Variants in SORBS3 observed in about 807,000 individuals in gnomAD.
SORBS3 encodes vinexin.
Under a neutral mutation model 98.0 loss-of-function variants are expected in SORBS3, and 69 were observed. The ratio of observed to expected loss-of-function variants is 0.70; its 90% CI spans 0.58 to 0.86. The LOEUF (loss-of-function observed/expected upper bound fraction) is 0.86, where lower values mean the gene tolerates loss of function less well. SORBS3 is among the 40% of genes least tolerant of loss of function. The pLI, the probability that SORBS3 is intolerant of heterozygous loss-of-function variation, is 0.00. For synonymous variants in SORBS3, 394 were observed against 355.4 expected, an observed-to-expected ratio of 1.11 and a Z score of -1.22; for missense variants, 954 against 908.5, an observed-to-expected ratio of 1.05 and a Z score of -0.64.
chr8:22,557,573 A>G (rs1415977341), intron 4 of SORBS3, among the ~76,000 whole-genome samples: 1 of 152,188 alleles, frequency 6.6e-6, no homozygotes, highest in African/African-American at 2.4e-5. Context: ...TGGGAGGTCA[A>G]GGCGGGAGGA....
At chr8:22,565,966 G>A (rs1278349968) in intron 12 of SORBS3, 94 bp downstream of exon 12, 4 of 880,204 alleles carry the variant, frequency 4.5e-6, no homozygotes, top group South Asian at 5.4e-5. Flanking sequence ...GGGCGATCGC[G>A]GGGCCCAGCC....
At chr8:22,562,993 C>T (rs531344253) in intron 7 of SORBS3, among the ~76,000 whole-genome samples, 46 of 152,204 alleles carry the variant, frequency 3.0e-4, no homozygotes, top group Non-Finnish European at 5.6e-4. Flanking sequence ...GTGGCGGGTG[C>T]CTGTAGTCCC....
At chr8:22,563,587 T>C (rs1208705245) in intron 7 of SORBS3, among the ~76,000 whole-genome samples, 1 of 152,164 alleles carries the variant, frequency 6.6e-6, no homozygotes, top group Non-Finnish European at 1.5e-5. Flanking sequence ...GCCACAGTCA[T>C]GGGGCCAGAC....
chr8:22,554,479 C>G lies in SORBS3; in HGVS notation c.-28C>G. 6.2e-7 allele frequency: 1 copy of G among 1,601,960 alleles called. No individual in the cohort carries two copies. On this transcript the variant is annotated 5_prime_UTR_variant, in exon 2 of 21. Transcript: ENST00000240123. This position sits in a 1 kb window ranked among gnomAD's most constrained non-coding sequence, Gnocchi z 6.5. Reference sequence around the variant, plus strand: ...GACACGCAGAGGAGCAGCTGGCTTGCCCGGAGTCCTCCCACCTTGACCCAA... The same window carrying G: ...GACACGCAGAGGAGCAGCTGGCTTGGCCGGAGTCCTCCCACCTTGACCCAA...
At chr8:22,546,005 C>G (rs1840012187) in intron 1 of SORBS3, among the ~76,000 whole-genome samples, 1 of 152,122 alleles carries the variant, frequency 6.6e-6, no homozygotes, top group African/African-American at 2.4e-5. Context: ...GTGAGGTGGT[C>G]AAGACGTCAG....
At chr8:22,567,340 T>C (rs1049046666) in intron 16 of SORBS3, among the ~76,000 whole-genome samples, 165 bp downstream of exon 16, 1 of 152,206 alleles carries the variant, frequency 6.6e-6, no homozygotes, top group African/African-American at 2.4e-5. Context: ...ATGCTGTGCA[T>C]GACCCCAGGA....
chr8:22,569,158 C>A lies in SORBS3; in HGVS notation c.1316C>A (p.Ala439Glu). Residue 439 changes from alanine to glutamate, a missense_variant, in exon 17 of 21, where the codon GCA becomes GAA. By Grantham distance (107) the Ala-to-Glu change is moderately radical (BLOSUM62 -1). Transcript: ENST00000240123. ...CCTTTCTTCATGCAGGTGCTGCCCGCAGATGAGATCCCTAAGCCCATCAAG... is the reference window on the plus strand; with the variant it reads ...CCTTTCTTCATGCAGGTGCTGCCCGAAGATGAGATCCCTAAGCCCATCAAG... Reference protein sequence around the residue: ...FPANYVEVLPADEIPKPIKPP... With the variant: ...FPANYVEVLPEDEIPKPIKPP... 6.8e-6 allele frequency: 11 copies of A among 1,606,326 alleles called. No individual in the cohort carries two copies. The highest frequency in any genetic ancestry group is 8.5e-6 in the Non-Finnish European group (10 of 1,176,290).
chr8:22,552,977 C>T (rs981670044), intron 1 of SORBS3, among the ~76,000 whole-genome samples: 5 of 152,184 alleles, frequency 3.3e-5, no homozygotes. Flanking sequence ...TGTGTCGCAG[C>T]AACTCAAATG....
intron 10 of SORBS3, 188 bp from the exon 11 acceptor site, chr8:22,565,080 G>A (rs1840376478): frequency 2.1e-6 from 3 of 1,433,502 alleles, no homozygotes; most frequent in Non-Finnish European, 2.7e-6. Flanking sequence ...GCAGGTGAGA[G>A]GCCGTGGCGG....
At position 22,566,176 on chromosome 8, in the gene SORBS3, C is replaced by T. The variant is rs1315984256; in HGVS notation, c.951-169C>T. The T allele has an allele frequency of 8.6e-6, 8 of 933,068 alleles. 2 individuals are homozygous for T. The South Asian group carries it at 1.5e-4, about 17-fold the overall frequency. The allele number at this position is 933,068 out of a possible 1,614,324, so 57.8% of individuals were successfully genotyped here. A position where few individuals can be genotyped will look rare whatever the true frequency, so the allele number is the denominator to read the frequency against. Reference sequence around the variant, plus strand: ...GGCCCTGCCGGGCCTCACCCTTCCCCGCGCAGCGACTCGGGAAGTAGGACA... The same window carrying T: ...GGCCCTGCCGGGCCTCACCCTTCCCTGCGCAGCGACTCGGGAAGTAGGACA... On this transcript the variant is annotated intron_variant, in intron 12 of 20. Transcript: ENST00000240123.
intron 7 of SORBS3, 23 bp from the exon 8 acceptor site, chr8:22,563,964 G>T: frequency 6.3e-7 from 1 of 1,584,450 alleles, no homozygotes; most frequent in South Asian, 1.1e-5. Flanking sequence ...GGAAGCTGAA[G>T]AGATGTCCTT....
Position 22,566,496 on chromosome 8 carries a change from G to A in SORBS3, c.1090+12G>A. Reference sequence around the variant, plus strand: ...TTCCTCAACCCGAGGTAAGGACCCAGCCCTGCTCTCTTTCTCACGGAGATG... The same window carrying A: ...TTCCTCAACCCGAGGTAAGGACCCAACCCTGCTCTCTTTCTCACGGAGATG... On this transcript the variant is annotated intron_variant, in intron 13 of 20. Coordinates refer to ENST00000240123, the MANE Select transcript of SORBS3 (RefSeq NM_005775.5). 6.2e-7 allele frequency: 1 copy of A among 1,611,744 alleles called. No homozygotes were observed. Among genetic ancestry groups the A allele is most frequent in the Non-Finnish European group, 8.5e-7 (1 of 1,178,670 alleles).
rs768055369 is a variant in SORBS3, at chr8:22,554,858, C to A, written c.103-5C>A. On this transcript the variant is annotated splice_polypyrimidine_tract_variant and splice_region_variant and intron_variant, in intron 2 of 20. Coordinates refer to ENST00000240123, the MANE Select transcript of SORBS3 (RefSeq NM_005775.5). This position sits in a 1 kb window ranked among gnomAD's most constrained non-coding sequence, Gnocchi z 6.5. Reference sequence around the variant, plus strand: ...TGAGCTGCCGCTCCTGGCCCCTCCCCGCAGGTGCCCGTGATCCGGAATGGT... The same window carrying A: ...TGAGCTGCCGCTCCTGGCCCCTCCCAGCAGGTGCCCGTGATCCGGAATGGT... 1 of 1,611,678 alleles carries A rather than the reference C, an allele frequency of 6.2e-7. No individual in the cohort carries two copies. Among genetic ancestry groups the A allele is most frequent in the South Asian group, 1.1e-5 (1 of 91,030 alleles).
chr8:22,558,649 C>T (rs1440878020), intron 5 of SORBS3, among the ~76,000 whole-genome samples: 1 of 152,242 alleles, frequency 6.6e-6, no homozygotes, highest in Non-Finnish European at 1.5e-5. Flanking sequence ...ATGCTGAGCA[C>T]TATTCTAGGT....
chr8:22,569,652 TA>T (rs1199016985), intron 17 of SORBS3, among the ~76,000 whole-genome samples: 7 of 152,288 alleles, frequency 4.6e-5, no homozygotes, highest in African/African-American at 1.7e-4. Context: ...AACACTTCTT[TA>T]AAAAAGAGTC....
chr8:22,551,688 G>A, upstream of SORBS3: 3 of 974,818 alleles, frequency 3.1e-6, no homozygotes, highest in South Asian at 9.5e-5. This position sits in a 1 kb window ranked among gnomAD's most constrained non-coding sequence, Gnocchi z 5.8. Flanking sequence ...GGGGCCACCA[G>A]TGTCCCCGCG....
Position 22,571,211 on chromosome 8 carries a change from C to A in SORBS3, c.1733C>A (p.Pro578His). The change falls in exon 18 of 21, where the codon CCC becomes CAC. Residue 578 changes from proline (P) to histidine (H), a missense_variant. Coordinates refer to ENST00000240123, the MANE Select transcript of SORBS3 (RefSeq NM_005775.5). The stretch of plus-strand genomic sequence containing the variant: ...TCCTTCCCCACCCAGGAGCCTAGAC[C>A]CCAGACCCAGGTGAGGTAGCCTGCC... ...GFSFPTQEPR[P>H]QTQNLGTPGP... 6.5e-7 allele frequency: 1 copy of A among 1,540,396 alleles called. No individual in the cohort carries two copies. The highest frequency in any genetic ancestry group is 8.7e-7 in the Non-Finnish European group (1 of 1,145,724).
chr8:22,561,045 A>G, intron 5 of SORBS3: 1 of 362,754 alleles, frequency 2.8e-6, no homozygotes, highest in East Asian at 4.1e-5. Flanking sequence ...GGGCAAGTCC[A>G]CAAAGGTCAG....
At chr8:22,552,334 C>CCCCGCT (rs1563811815) in intron 1 of SORBS3, among the ~76,000 whole-genome samples, 2 of 152,194 alleles carry the variant, frequency 1.3e-5, no homozygotes, top group Non-Finnish European at 2.9e-5. Flanking sequence ...AGGGGCCTCT[C>CCCCGCT]CCCGCTCCCG....
Sources: allele counts gnomAD v4.1 joint callset (sites outside exome capture counted in the v4.1 genomes callset), GRCh38; gene constraint gnomAD v4.1.1; non-coding constraint Gnocchi (gnomAD v3.1); transcripts MANE v1.5; gene names NCBI Gene and HGNC (gene_info 2026-07-23, HGNC 2026-07-21).